The following NME7 variants were observed in gnomAD, a reference collection of about 807,000 sequenced individuals.
NME7 encodes the protein NME/NM23 family member 7.
A neutral mutation model predicts 49.1 loss-of-function variants in NME7; 41 were observed. That is an observed-to-expected ratio of 0.83 (90% confidence interval 0.65 to 1.08). NME7 has a LOEUF of 1.08. Among genes scored for constraint, NME7 ranks in the 50% least tolerant of loss-of-function variants. The pLI is 0.00. For synonymous variants in NME7, 139 were observed against 150.6 expected (o/e 0.92, Z 0.56); for missense variants, 423 against 463.4 (o/e 0.91, Z 0.80).
intron 10 of NME7, among the ~76,000 whole-genome samples, chr1:169,180,730 A>T (rs754438031): frequency 5.3e-5 from 8 of 152,242 alleles, no homozygotes; most frequent in Non-Finnish European, 8.8e-5. Flanking sequence ...TTAACAAAAT[A>T]ATTTATTTAA....
chr1:169,199,585 C>T (rs562418547), intron 10 of NME7, among the ~76,000 whole-genome samples: 330 of 151,614 alleles, frequency 2.2e-3, no homozygotes, highest in African/African-American at 7.3e-3. Flanking sequence ...TCCCAAGTAG[C>T]TGAGTCTAAA....
intron 6 of NME7, among the ~76,000 whole-genome samples, chr1:169,288,932 A>G (rs1650387469): frequency 6.6e-6 from 1 of 152,174 alleles, no homozygotes; most frequent in African/African-American, 2.4e-5. Context: ...AGAATATGAT[A>G]GAGTAGCAAA....
chr1:169,246,625 T>C (rs899346054), intron 7 of NME7, among the ~76,000 whole-genome samples: 2 of 152,182 alleles, frequency 1.3e-5, no homozygotes, highest in African/African-American at 4.8e-5. Context: ...GTATTTTTTT[T>C]TAGAGGTGGG....
intron 10 of NME7, among the ~76,000 whole-genome samples, chr1:169,175,397 G>A (rs964822906): frequency 6.6e-6 from 1 of 151,920 alleles, no homozygotes; most frequent in Non-Finnish European, 1.5e-5. Flanking sequence ...CTAAAACAAC[G>A]ATAAAAAGTA....
intron 10 of NME7, among the ~76,000 whole-genome samples, chr1:169,191,277 G>A (rs1479552871): frequency 6.6e-6 from 1 of 152,162 alleles, no homozygotes; most frequent in Non-Finnish European, 1.5e-5. Context: ...CTCTTCCTCT[G>A]CAATAAGGAG....
At chr1:169,278,469 T>G (rs1233840053) in intron 7 of NME7, among the ~76,000 whole-genome samples, 12 of 152,292 alleles carry the variant, frequency 7.9e-5, no homozygotes, top group African/African-American at 2.9e-4. Context: ...TTTCTTCCAG[T>G]TGATCGCATC....
intron 7 of NME7, among the ~76,000 whole-genome samples, chr1:169,245,279 G>A (rs1648264902): frequency 6.6e-6 from 1 of 152,042 alleles, no homozygotes; most frequent in Admixed American, 6.6e-5. Context: ...AAACTTACTG[G>A]ATGTAACAGC....
chr1:169,149,149 T>C (rs970805476), intron 11 of NME7, among the ~76,000 whole-genome samples: 4 of 152,182 alleles, frequency 2.6e-5, no homozygotes, highest in African/African-American at 9.7e-5. Flanking sequence ...GAGACCAGCC[T>C]GGCTAACATG....
In NME7 at chr1:169,336,037, C is replaced by A. The variant is rs1652455676; in HGVS notation, c.4-11537G>T. Among the ~76,000 whole-genome samples, 5 of 151,960 alleles carry A rather than the reference C, an allele frequency of 3.3e-5. No individual in the cohort carries two copies. The South Asian group carries it at 1.0e-3, about 32-fold the overall frequency. ...GCTCTTAAGGTGGCGCATCCGGAGT[C>A]TGTCCCTTCTGATGTTCAGATGTGT... On this transcript the variant is annotated intron_variant, in intron 1 of 11. Transcript: ENST00000367811.
chr1:169,238,188 G>A (rs1304859439), intron 7 of NME7, among the ~76,000 whole-genome samples: 1 of 151,870 alleles, frequency 6.6e-6, no homozygotes, highest in Non-Finnish European at 1.5e-5. Context: ...AGGGATAGGA[G>A]AGAAGGCACA....
At chr1:169,204,435 T>C (rs1660623595) in intron 10 of NME7, among the ~76,000 whole-genome samples, 1 of 152,094 alleles carries the variant, frequency 6.6e-6, no homozygotes, top group Admixed American at 6.6e-5. Context: ...AATATCTCTC[T>C]AGCTTTATTG....
chr1:169,353,712 T>A lies in NME7; in HGVS notation c.3+13996A>T, dbSNP rs1571414754. On this transcript the variant is annotated intron_variant, in intron 1 of 11. Transcript: ENST00000367811. ...TCAAACAACTCTACAGGAAAAAAAA[T>A]CTAATAATCTGACTAAAAATTGGGC... is the stretch of plus-strand genomic sequence containing the variant. Among the ~76,000 whole-genome samples the A allele has an allele frequency of 2.0e-5, 3 of 151,652 alleles. No individual in the cohort carries two copies. In the East Asian group the frequency reaches 5.8e-4, roughly 29 times the overall value.
chr1:169,348,219 T>C (rs1485233475), intron 1 of NME7, among the ~76,000 whole-genome samples: 2 of 152,178 alleles, frequency 1.3e-5, no homozygotes, highest in Non-Finnish European at 2.9e-5. Flanking sequence ...CTGAAGAAGA[T>C]ATTAAGACAG....
chr1:169,194,519 G>T (rs1440510095), intron 10 of NME7, among the ~76,000 whole-genome samples: 2 of 152,088 alleles, frequency 1.3e-5, no homozygotes, highest in African/African-American at 4.8e-5. Context: ...ACCTTTACAA[G>T]GAAATTAATT....
At chr1:169,350,499 C>T (rs1300787032) in intron 1 of NME7, among the ~76,000 whole-genome samples, 1 of 151,946 alleles carries the variant, frequency 6.6e-6, no homozygotes, top group Non-Finnish European at 1.5e-5. Flanking sequence ...AGTGATGGGG[C>T]AGAGATGCCT....
chr1:169,259,157 A>G (rs2187964), intron 7 of NME7, among the ~76,000 whole-genome samples: 11,864 of 133,128 alleles, frequency 0.089, 3,192 homozygotes, highest in East Asian at 0.75. Flanking sequence ...ATATGCTCAG[A>G]TTAAATAATT....
intron 9 of NME7, among the ~76,000 whole-genome samples, chr1:169,234,765 C>A (rs1647790357): frequency 6.6e-6 from 1 of 152,000 alleles, no homozygotes; most frequent in South Asian, 2.1e-4. Flanking sequence ...AAGCTGCAGG[C>A]TGGTTGCAAT....
At chr1:169,232,923 T>A (rs1207504325) in intron 9 of NME7, among the ~76,000 whole-genome samples, 2,010 of 140,392 alleles carry the variant, frequency 0.014, 47 homozygotes, top group African/African-American at 0.047. Context: ...TTTTTTTTTT[T>A]TTTTTTTTTT....
chr1:169,142,774 A>G (rs964103601), intron 11 of NME7, among the ~76,000 whole-genome samples: 3 of 152,146 alleles, frequency 2.0e-5, no homozygotes, highest in African/African-American at 7.2e-5. Context: ...GGTTTAGAGG[A>G]GGGCCTCTCA....
Sources: allele counts gnomAD v4.1 joint callset (sites outside exome capture counted in the v4.1 genomes callset), GRCh38; gene constraint gnomAD v4.1.1; transcripts MANE v1.5; gene names NCBI Gene and HGNC (gene_info 2026-07-23, HGNC 2026-07-21).